GPLD1: variants seen among roughly 807,000 people sequenced by gnomAD.
GPLD1 encodes glycosylphosphatidylinositol specific phospholipase D1.
A neutral mutation model predicts 112.6 loss-of-function variants in GPLD1; 84 were observed. The observed-to-expected ratio is 0.75, with a 90% CI of 0.63 to 0.89. The LOEUF (loss-of-function observed/expected upper bound fraction) is 0.89. GPLD1 is among the 40% of genes least tolerant of loss of function. The pLI is 0.00. For synonymous variants in GPLD1, 386 were observed against 403.8 expected, an observed-to-expected ratio of 0.96 and a Z score of 0.53; for missense variants, 1,044 against 1,051.5, an observed-to-expected ratio of 0.99 and a Z score of 0.10.
chr6:24,463,695 A>G (rs376901245), intron 10 of GPLD1, among the ~76,000 whole-genome samples: 2 of 152,222 alleles, frequency 1.3e-5, no homozygotes, highest in African/African-American at 4.8e-5. Context: ...TTTAAGGAAA[A>G]TATACCAAAT....
chr6:24,437,429 T>G (rs1225809001), intron 20 of GPLD1, 140 bp from the exon 21 acceptor site: 2 of 715,346 alleles, frequency 2.8e-6, no homozygotes, highest in Non-Finnish European at 4.6e-6. Context: ...TCTCCGGCAG[T>G]CAGGGAGGTA....
intron 17 of GPLD1, among the ~76,000 whole-genome samples, chr6:24,447,280 T>C (rs528855792): frequency 1.3e-5 from 2 of 152,176 alleles, no homozygotes; most frequent in Admixed American, 1.3e-4. Context: ...CCGAGGTGGG[T>C]GGATCACCAG....
intron 20 of GPLD1, among the ~76,000 whole-genome samples, chr6:24,441,471 T>TGTGGTGCCACAC (rs1561832285): frequency 6.6e-6 from 1 of 152,164 alleles, no homozygotes; most frequent in Non-Finnish European, 1.5e-5. Flanking sequence ...CCACACGAAC[T>TGTGGTGCCACAC]ACTGGGTGGA....
intron 12 of GPLD1, among the ~76,000 whole-genome samples, chr6:24,459,833 G>A (rs1350013881): frequency 1.3e-5 from 2 of 152,304 alleles, no homozygotes; most frequent in East Asian, 1.9e-4. Flanking sequence ...GGGTGCCCAG[G>A]GTCATCTTGA....
At chr6:24,495,064 G>A (rs986991035) in exon 1 of GPLD1, 4 of 1,339,590 alleles carry the variant, frequency 3.0e-6, no homozygotes, top group African/African-American at 1.5e-5. Context: ...CCAGGCTGCC[G>A]CCTCCGCCCC....
intron 12 of GPLD1, among the ~76,000 whole-genome samples, chr6:24,458,343 G>A (rs905541690): frequency 5.3e-5 from 8 of 152,118 alleles, no homozygotes; most frequent in African/African-American, 1.9e-4. Flanking sequence ...CTAAAGCCTA[G>A]CTCTGACTTG....
chr6:24,426,308 G>A lies in GPLD1; in HGVS notation c.*2724C>T, dbSNP rs1581719172. The A allele has an allele frequency of 6.6e-6, 1 of 152,206 alleles. No individual in the cohort carries two copies. The highest frequency in any genetic ancestry group is 2.4e-5 in the African/African-American group (1 of 41,450). The allele number at this position is 152,206 out of a possible 1,614,324, so 9.4% of individuals were successfully genotyped here. A position where few individuals can be genotyped will look rare whatever the true frequency, so the allele number is the denominator to read the frequency against. On this transcript the variant is annotated 3_prime_UTR_variant, in exon 25 of 25. Coordinates refer to ENST00000230036, the MANE Select transcript of GPLD1 (RefSeq NM_001503.4). ...AACTATAGTTAATACTTAGTGGAAA[G>A]AAAATTTAATCCATGTATCAGGATA...
upstream of GPLD1, chr6:24,489,751 TA>T (rs1398469760): frequency 1.9e-6 from 1 of 538,366 alleles, no homozygotes; most frequent in Non-Finnish European, 3.1e-6. Flanking sequence ...GTTGGGAGGA[TA>T]AACTGAAATC....
intron 7 of GPLD1, among the ~76,000 whole-genome samples, chr6:24,470,262 C>G (rs1763756714): frequency 6.6e-6 from 1 of 152,022 alleles, no homozygotes; most frequent in South Asian, 2.1e-4. Context: ...CCAAACATGA[C>G]CAGTATAACT....
At position 24,437,319 on chromosome 6, in the gene GPLD1, C is replaced by T. The variant is rs200355756; in HGVS notation, c.2021-30G>A. On this transcript the variant is annotated intron_variant, in intron 20 of 24. Transcript: ENST00000230036. ...AACGAACCACAGTTCCTGCTGGCCT[C>T]ACAGAAAGGAAGGCATTACAGAACA... 13 of 1,603,080 alleles carry T rather than the reference C, an allele frequency of 8.1e-6. No homozygotes were observed. In the East Asian group the frequency reaches 1.6e-4, roughly 19 times the overall value.
At chr6:24,473,565 C>A (rs772582797) in intron 6 of GPLD1, 54 bp downstream of exon 6, 10 of 1,075,242 alleles carry the variant, frequency 9.3e-6, no homozygotes, top group Non-Finnish European at 1.5e-5. Flanking sequence ...GTAGTGATGT[C>A]ATTATAAGTG....
intron 2 of GPLD1, among the ~76,000 whole-genome samples, chr6:24,482,429 G>C (rs1464471196): frequency 7.5e-5 from 11 of 146,420 alleles, no homozygotes; most frequent in Non-Finnish European, 3.0e-5. Flanking sequence ...TACAGGCACC[G>C]GTCACCACGC....
chr6:24,443,817 C>T (rs561673418), intron 20 of GPLD1, among the ~76,000 whole-genome samples: 66 of 152,046 alleles, frequency 4.3e-4, no homozygotes, highest in Middle Eastern at 3.4e-3. Flanking sequence ...ATTACAGGAG[C>T]GTGCCACTAT....
At chr6:24,475,089 TAA>T (rs755312174) in intron 5 of GPLD1, 30 bp downstream of exon 5, 2 of 1,089,434 alleles carry the variant, frequency 1.8e-6, no homozygotes, top group Non-Finnish European at 2.9e-6. Flanking sequence ...ATCACTCCCA[TAA>T]AGTCATTCCC....
chr6:24,456,522 G>C lies in GPLD1; in HGVS notation c.1124C>G (p.Ser375Ter). Residue 375 changes from serine to a stop codon, truncating the protein, a stop_gained, in exon 13 of 25, where the codon TCA becomes TGA. Transcript: ENST00000230036. LOFTEE classifies it high-confidence loss of function. ...CCAGCCAAGCCTCGCATAAGGAAAT[G>C]ACAAGAAGTAAGATGCTAAGGGGCT... ...VSSPLASYFLSFPYARLGWAM... is the reference protein window; with the variant it reads ...VSSPLASYFL The C allele has an allele frequency of 6.2e-7, 1 of 1,609,926 alleles. No individual in the cohort carries two copies. The highest frequency in any genetic ancestry group is 1.7e-4 in the Middle Eastern group (1 of 6,052).
intron 12 of GPLD1, among the ~76,000 whole-genome samples, chr6:24,459,909 G>A (rs1397598179): frequency 6.6e-6 from 1 of 152,116 alleles, no homozygotes; most frequent in African/African-American, 2.4e-5. Context: ...TGGATGCCAA[G>A]AGTATTTGCC....
At chr6:24,489,702 C>T (rs1764502909), upstream of GPLD1, 15 of 920,448 alleles carry the variant, frequency 1.6e-5, no homozygotes, top group East Asian at 3.6e-4. Context: ...TTTAGCTTCA[C>T]CAGAACAGCA....
At chr6:24,462,008 T>C (rs918288312) in intron 11 of GPLD1, among the ~76,000 whole-genome samples, 1 of 152,228 alleles carries the variant, frequency 6.6e-6, no homozygotes, top group Admixed American at 6.5e-5. Flanking sequence ...AAACCAGGCT[T>C]CTGGCCCTTA....
intron 7 of GPLD1, among the ~76,000 whole-genome samples, chr6:24,467,634 TTAAAG>T (rs1365815272): frequency 5.3e-5 from 8 of 152,174 alleles, no homozygotes; most frequent in Non-Finnish European, 1.2e-4. Context: ...AAGAAGTAAT[TTAAAG>T]TATTTTCATG....
Sources: allele counts gnomAD v4.1 joint callset (sites outside exome capture counted in the v4.1 genomes callset), GRCh38; gene constraint gnomAD v4.1.1; transcripts MANE v1.5; gene names NCBI Gene and HGNC (gene_info 2026-07-23, HGNC 2026-07-21).